GPATCH8: variants seen among roughly 807,000 people sequenced by gnomAD.
GPATCH8 encodes G patch domain-containing protein 8.
Under a neutral mutation model 118.3 loss-of-function variants are expected in GPATCH8, and 18 were observed. That is an observed-to-expected ratio of 0.15 (90% CI 0.11 to 0.23). The LOEUF (loss-of-function observed/expected upper bound fraction) is 0.23, where lower values mean the gene tolerates loss of function less well. Among genes scored for constraint, GPATCH8 ranks in the 10% least tolerant of loss-of-function variants. The pLI is 1.00. For synonymous variants in GPATCH8, 659 were observed against 684.7 expected (o/e 0.96, Z 0.59); for missense variants, 1,631 against 1,873.8 (o/e 0.87, Z 2.39).
At position 44,405,860 on chromosome 17, in the gene GPATCH8, T is replaced by C. The variant is rs1174210167; in HGVS notation, c.623+61A>G. On this transcript the variant is annotated intron_variant, in intron 7 of 7. Transcript: ENST00000591680. The stretch of plus-strand genomic sequence containing the variant: ...ATCTTAAATTATAATCTGAAATCTA[T>C]AATTTAAAATTTTAAGGATTATAAT... 6 of 1,180,578 alleles carry C rather than the reference T, an allele frequency of 5.1e-6. No individual in the cohort carries two copies. The African/African-American group carries it at 7.6e-5, about 15-fold the overall frequency. The allele number at this position is 1,180,578 out of a possible 1,614,324, so 73.1% of individuals were successfully genotyped here.
At position 44,483,206 on chromosome 17, in the gene GPATCH8, T is replaced by TATATATACACAC. The variant is rs1555646852; in HGVS notation, c.46-8304_46-8303insGTGTGTATATAT. 1.2e-3 allele frequency among the ~76,000 whole-genome samples: 91 copies of TATATATACACAC among 77,468 alleles called. 3 individuals are homozygous for TATATATACACAC. Among genetic ancestry groups the TATATATACACAC allele is most frequent in the African/African-American group, 4.4e-3 (87 of 19,962 alleles). 50.8% of individuals were successfully genotyped at this position (77,468 alleles called of 152,430 possible). ...ATATATATATATATATATATATATA[T>TATATATACACAC]ATATATATATACAGCCTACCTCTCA... On this transcript the variant is annotated intron_variant, in intron 1 of 7. Transcript: ENST00000591680.
At chr17:44,485,042 T>G (rs1280811761) in intron 1 of GPATCH8, among the ~76,000 whole-genome samples, 1 of 151,922 alleles carries the variant, frequency 6.6e-6, no homozygotes, top group African/African-American at 2.4e-5. Context: ...CTCGAACTCC[T>G]GAGCTCAAGA....
At chr17:44,478,696 C>A (rs1367325629) in intron 1 of GPATCH8, among the ~76,000 whole-genome samples, 2 of 151,918 alleles carry the variant, frequency 1.3e-5, no homozygotes, top group Non-Finnish European at 2.9e-5. Context: ...AACAAAAAAA[C>A]CCTCATCCTA....
At chr17:44,494,119 G>A (rs529858389) in intron 1 of GPATCH8, among the ~76,000 whole-genome samples, 3 of 151,854 alleles carry the variant, frequency 2.0e-5, no homozygotes, top group African/African-American at 4.8e-5. Context: ...TGTGTTCTAC[G>A]ACCACCACCT....
intron 7 of GPATCH8, 49 bp from the exon 8 acceptor site, chr17:44,401,502 A>G (rs2049022726): frequency 3.5e-6 from 4 of 1,156,662 alleles, no homozygotes. Flanking sequence ...GTTTAGGAGT[A>G]CATTTCATAA....
At chr17:44,445,378 CTT>C (rs753301838) in intron 3 of GPATCH8, among the ~76,000 whole-genome samples, 2 of 152,068 alleles carry the variant, frequency 1.3e-5, no homozygotes, top group Non-Finnish European at 2.9e-5. Flanking sequence ...CATTTTTCCT[CTT>C]TTTAAAAAAC....
intron 1 of GPATCH8, among the ~76,000 whole-genome samples, chr17:44,493,767 T>C (rs1336582733): frequency 6.6e-6 from 1 of 152,154 alleles, no homozygotes; most frequent in African/African-American, 2.4e-5. Context: ...AGAGCAAAGT[T>C]CAAACTTCAG....
chr17:44,443,564 C>T (rs2050774733), intron 3 of GPATCH8, among the ~76,000 whole-genome samples: 1 of 152,192 alleles, frequency 6.6e-6, no homozygotes, highest in Admixed American at 6.5e-5. Flanking sequence ...GAAAAACTTT[C>T]TACCCAAAAT....
intron 3 of GPATCH8, among the ~76,000 whole-genome samples, chr17:44,444,655 C>G (rs886759760): frequency 6.6e-6 from 1 of 152,088 alleles, no homozygotes; most frequent in African/African-American, 2.4e-5. Flanking sequence ...TTCCTGTAAT[C>G]CCAGCTACTT....
At chr17:44,405,144 C>T (rs1177279161) in intron 7 of GPATCH8, among the ~76,000 whole-genome samples, 1 of 151,716 alleles carries the variant, frequency 6.6e-6, no homozygotes, top group Non-Finnish European at 1.5e-5. Flanking sequence ...TGAAACATTA[C>T]TAGGTAACCT....
chr17:44,408,207 G>T (rs2049302845), intron 6 of GPATCH8, among the ~76,000 whole-genome samples: 1 of 147,998 alleles, frequency 6.8e-6, no homozygotes, highest in Non-Finnish European at 1.5e-5. Flanking sequence ...TTTTTGAGAT[G>T]GAGTTTTATT....
At chr17:44,442,112 T>C (rs1397681817) in intron 3 of GPATCH8, among the ~76,000 whole-genome samples, 2 of 53,798 alleles carry the variant, frequency 3.7e-5, no homozygotes, top group Non-Finnish European at 1.1e-4. Flanking sequence ...TATATACATA[T>C]ATATATATAT....
At chr17:44,418,847 T>G (rs540339980) in intron 6 of GPATCH8, among the ~76,000 whole-genome samples, 1 of 152,368 alleles carries the variant, frequency 6.6e-6, no homozygotes, top group Non-Finnish European at 1.5e-5. Context: ...TGGAAAGGCC[T>G]ACTCTTAGAG....
chr17:44,489,015 C>T (rs1568064966), intron 1 of GPATCH8, among the ~76,000 whole-genome samples: 2 of 151,540 alleles, frequency 1.3e-5, no homozygotes, highest in Non-Finnish European at 2.9e-5. Flanking sequence ...GCCAAGATTG[C>T]CCCATTGCAC....
intron 3 of GPATCH8, 125 bp from the exon 4 acceptor site, chr17:44,436,670 C>T (rs1294988621): frequency 1.4e-6 from 1 of 726,634 alleles, no homozygotes; most frequent in Admixed American, 1.9e-5. Flanking sequence ...TACAGTGAAC[C>T]AAACACAAGC....
chr17:44,413,214 T>C (rs566633778), intron 6 of GPATCH8, among the ~76,000 whole-genome samples: 4 of 152,306 alleles, frequency 2.6e-5, no homozygotes, highest in African/African-American at 9.6e-5. Context: ...GAAAATTAGA[T>C]ACTAATGCCA....
At chr17:44,459,902 G>C (rs1167722775) in intron 3 of GPATCH8, among the ~76,000 whole-genome samples, 1 of 152,128 alleles carries the variant, frequency 6.6e-6, no homozygotes, top group Non-Finnish European at 1.5e-5. Flanking sequence ...CTTCTAAACA[G>C]GGTGAGATAG....
At chr17:44,477,744 T>C (rs891184736) in intron 1 of GPATCH8, among the ~76,000 whole-genome samples, 2 of 150,912 alleles carry the variant, frequency 1.3e-5, no homozygotes, top group African/African-American at 4.9e-5. Flanking sequence ...ATTTCAGGAA[T>C]GAAAAAAAGC....
intron 4 of GPATCH8, among the ~76,000 whole-genome samples, chr17:44,435,556 G>C (rs2050476076): frequency 6.7e-6 from 1 of 149,622 alleles, no homozygotes; most frequent in African/African-American, 2.4e-5. Flanking sequence ...TGGGATTACA[G>C]GTGCCCGCCA....
Sources: gnomAD v4.1 joint callset for allele counts (sites outside exome capture counted in the v4.1 genomes callset) on GRCh38, gnomAD v4.1.1 for gene constraint, MANE v1.5 for transcripts, NCBI Gene and HGNC (gene_info 2026-07-23, HGNC 2026-07-21) for gene names.